FAM13A: variants seen among roughly 807,000 people sequenced by gnomAD.
FAM13A encodes protein FAM13A.
A neutral mutation model predicts 129.6 loss-of-function variants in FAM13A; 76 were observed. The observed-to-expected ratio is 0.59, with a 90% CI of 0.49 to 0.71. FAM13A has a LOEUF of 0.71. FAM13A is among the 30% of genes least tolerant of loss of function. The pLI is 0.00. For synonymous variants in FAM13A, 443 were observed against 449.9 expected, an observed-to-expected ratio of 0.98 and a Z score of 0.20; for missense variants, 1,108 against 1,249.3, an observed-to-expected ratio of 0.89 and a Z score of 1.70.
chr4:88,991,014 A>C lies in FAM13A; in HGVS notation c.564T>G (p.Asn188Lys), dbSNP rs749895868. 1 of 1,614,178 alleles carries C rather than the reference A, an allele frequency of 6.2e-7. No homozygotes were observed. The highest frequency in any genetic ancestry group is 8.5e-7 in the Non-Finnish European group (1 of 1,180,008). Residue 188 changes from asparagine (N) to lysine (K), a missense_variant, in exon 4 of 24, where the codon AAT becomes AAG. By Grantham distance (94) the Asn-to-Lys change is moderately conservative. Around this residue, in one of 3 missense-constraint regions of FAM13A, gnomAD observed 566 missense variants for 595.7 expected, o/e 0.95. Coordinates refer to ENST00000264344, the MANE Select transcript of FAM13A (RefSeq NM_014883.4). The stretch of plus-strand genomic sequence containing the variant: ...CAAATACAGTGGCGAGATTGTGAAC[A>C]TTCATGCGATTCTGCACATGATGCT... Reference protein sequence around the residue: ...VAKHHVQNRMNVHNLATVFGP... With the variant: ...VAKHHVQNRMKVHNLATVFGP...
intron 3 of FAM13A, among the ~76,000 whole-genome samples, chr4:89,004,837 T>G (rs1206299461): frequency 6.6e-6 from 1 of 152,180 alleles, no homozygotes; most frequent in East Asian, 1.9e-4. Flanking sequence ...TCCATCCCCC[T>G]AATGATTTTA....
chr4:88,731,552 A>C, intron 22 of FAM13A, 124 bp from the exon 23 acceptor site: 1 of 571,762 alleles, frequency 1.7e-6, no homozygotes, highest in Non-Finnish European at 3.0e-6. Context: ...AACTGCTGAG[A>C]GCATTGAGGG....
At chr4:88,731,289 G>T (rs543048834) in intron 23 of FAM13A, 38 bp downstream of exon 23, 2 of 1,162,854 alleles carry the variant, frequency 1.7e-6, no homozygotes, top group African/African-American at 1.5e-5. Flanking sequence ...GTGTGGTGCG[G>T]CGGGGGGGAA....
chr4:88,991,170 A>C lies in FAM13A; in HGVS notation c.428-20T>G. The C allele has an allele frequency of 6.3e-7, 1 of 1,590,592 alleles. No homozygotes were observed. Among genetic ancestry groups the C allele is most frequent in the Non-Finnish European group, 8.6e-7 (1 of 1,162,354 alleles). On this transcript the variant is annotated intron_variant, in intron 3 of 23. Coordinates refer to ENST00000264344, the MANE Select transcript of FAM13A (RefSeq NM_014883.4). ...TGCCATCTGGAAAAAAAAAGAATAAAAATGTTCTAAGGTATATTTCACAGT... is the reference window on the plus strand; with the variant it reads ...TGCCATCTGGAAAAAAAAAGAATAACAATGTTCTAAGGTATATTTCACAGT...
chr4:89,016,181 C>T (rs1242960570), intron 3 of FAM13A, among the ~76,000 whole-genome samples: 5 of 124,724 alleles, frequency 4.0e-5, no homozygotes, highest in Admixed American at 9.1e-5. Context: ...GTGCTTATGC[C>T]TTAGTTTAAA....
At chr4:88,932,982 T>C (rs13118412) in intron 5 of FAM13A, among the ~76,000 whole-genome samples, 39,138 of 152,140 alleles carry the variant, frequency 0.26, 5,817 homozygotes, top group Middle Eastern at 0.35. Context: ...CTTAGTGATA[T>C]GCCATAGGTT....
At chr4:89,013,267 AAT>A (rs537847037) in intron 3 of FAM13A, among the ~76,000 whole-genome samples, 35 of 130,056 alleles carry the variant, frequency 2.7e-4, no homozygotes, top group South Asian at 4.5e-4. Context: ...GAGACAATAA[AAT>A]ATATATATAT....
At chr4:88,794,729 C>CT (rs977860104) in intron 8 of FAM13A, among the ~76,000 whole-genome samples, 12 of 151,796 alleles carry the variant, frequency 7.9e-5, no homozygotes, top group Admixed American at 2.6e-4. Flanking sequence ...TAAATTTACT[C>CT]TTTTTTTAAT....
chr4:88,923,141 T>C (rs1751425573), intron 5 of FAM13A, among the ~76,000 whole-genome samples: 1 of 152,114 alleles, frequency 6.6e-6, no homozygotes, highest in East Asian at 1.9e-4. Flanking sequence ...ACTGGTACCA[T>C]TCCTTCTGAA....
At chr4:88,902,750 T>C (rs1266967126) in intron 6 of FAM13A, among the ~76,000 whole-genome samples, 1 of 152,146 alleles carries the variant, frequency 6.6e-6, no homozygotes, top group Non-Finnish European at 1.5e-5. Context: ...TATCAGAAGT[T>C]CTGGTCAGGG....
intron 4 of FAM13A, among the ~76,000 whole-genome samples, chr4:88,939,619 T>C (rs967005401): frequency 6.6e-6 from 1 of 152,128 alleles, no homozygotes; most frequent in Admixed American, 6.5e-5. Flanking sequence ...TACACTTGGG[T>C]GTAGATAGAA....
intron 1 of FAM13A, among the ~76,000 whole-genome samples, chr4:89,045,405 T>C (rs1466466260): frequency 1.3e-5 from 2 of 152,206 alleles, no homozygotes; most frequent in Non-Finnish European, 2.9e-5. Flanking sequence ...GATGCCACTT[T>C]ATGCCCCATT....
At position 88,972,642 on chromosome 4, in the gene FAM13A, CTG is replaced by C. The variant is rs1236351153; in HGVS notation, c.605+18329_605+18330del. On this transcript the variant is annotated intron_variant, in intron 4 of 23. Transcript: ENST00000264344. ...TTGGGGGGGAGAACAGAGTCTCACTCTGTTGCCTAGGCTGGAGTGCAGTGGTG... is the reference window on the plus strand; with the variant it reads ...TTGGGGGGGAGAACAGAGTCTCACTCTTGCCTAGGCTGGAGTGCAGTGGTG... Among the ~76,000 whole-genome samples, 5 of 151,994 alleles carry C rather than the reference CTG, an allele frequency of 3.3e-5. No individual in the cohort carries two copies. The East Asian group carries it at 9.7e-4, about 29-fold the overall frequency.
intron 3 of FAM13A, among the ~76,000 whole-genome samples, chr4:89,013,980 G>T (rs1434071466): frequency 6.6e-6 from 1 of 152,120 alleles, no homozygotes; most frequent in African/African-American, 2.4e-5. Context: ...GTGAGTGTGG[G>T]CATGGGGGTA....
chr4:88,757,979 C>T (rs1316798430), intron 14 of FAM13A, among the ~76,000 whole-genome samples: 2 of 152,142 alleles, frequency 1.3e-5, no homozygotes, highest in East Asian at 1.9e-4. Flanking sequence ...GCAGCCGTCA[C>T]GCACATACTG....
intron 3 of FAM13A, among the ~76,000 whole-genome samples, chr4:89,012,651 T>C (rs1389172897): frequency 1.3e-5 from 2 of 152,208 alleles, no homozygotes; most frequent in Non-Finnish European, 2.9e-5. Context: ...ACTGTTCATC[T>C]ACAAGATGTT....
Position 88,790,768 on chromosome 4 carries a change from A to T in FAM13A, c.1050-141T>A, listed in dbSNP as rs552925448. 18 of 687,210 alleles carry T rather than the reference A, an allele frequency of 2.6e-5. 1 individual carries two copies. The African/African-American group carries it at 3.3e-4, about 12-fold the overall frequency. 42.6% of individuals were successfully genotyped at this position (687,210 alleles called of 1,614,324 possible). On this transcript the variant is annotated intron_variant, in intron 8 of 23. Coordinates refer to ENST00000264344, the MANE Select transcript of FAM13A (RefSeq NM_014883.4). ...AAAACAATGTTTAACCATCCAATGA[A>T]AGATGCTCATTTTCACTTGTTTCTA...
chr4:88,982,647 A>G (rs983224259), intron 4 of FAM13A, among the ~76,000 whole-genome samples: 4 of 152,220 alleles, frequency 2.6e-5, no homozygotes, highest in African/African-American at 9.6e-5. Context: ...TTTAATAACT[A>G]TCAAAACTTA....
intron 21 of FAM13A, among the ~76,000 whole-genome samples, chr4:88,733,174 C>T (rs1023920240): frequency 2.6e-5 from 4 of 152,232 alleles, no homozygotes; most frequent in East Asian, 1.9e-4. Flanking sequence ...CGCAGCAGTT[C>T]CCGCTGGCGG....
Sources: gnomAD v4.1 joint callset for allele counts (sites outside exome capture counted in the v4.1 genomes callset) on GRCh38, gnomAD v4.1.1 for gene constraint, gnomAD v4.1.1 regional missense constraint, MANE v1.5 for transcripts, NCBI Gene and HGNC (gene_info 2026-07-23, HGNC 2026-07-21) for gene names.